VPS13B: variants seen among roughly 807,000 people sequenced by gnomAD.
VPS13B encodes the protein vacuolar protein sorting 13 homolog B.
A neutral mutation model predicts 426.4 loss-of-function variants in VPS13B; 285 were observed. That is an observed-to-expected ratio of 0.67 (90% CI 0.61 to 0.74). The LOEUF (loss-of-function observed/expected upper bound fraction) is 0.74, where lower values mean the gene tolerates loss of function less well. Ranked by LOEUF, VPS13B falls within the 30% of genes least tolerant of loss-of-function variation. The pLI, the probability that VPS13B is intolerant of heterozygous loss-of-function variation, is 0.00. For synonymous variants in VPS13B, 1,676 were observed against 1,676.4 expected (o/e 1.00, Z 0.01); for missense variants, 4,537 against 4,782.6 (o/e 0.95, Z 1.51).
chr8:99,305,152 C>A (rs1820569869), intron 19 of VPS13B, among the ~76,000 whole-genome samples: 1 of 152,074 alleles, frequency 6.6e-6, no homozygotes. Context: ...CTTCCCAAGA[C>A]AGGTTAGGTG....
At chr8:99,688,074 G>C (rs1469349173) in intron 35 of VPS13B, among the ~76,000 whole-genome samples, 1 of 151,180 alleles carries the variant, frequency 6.6e-6, no homozygotes, top group Non-Finnish European at 1.5e-5. Flanking sequence ...GGGGAAGTGG[G>C]CTCTGCAAAC....
intron 17 of VPS13B, among the ~76,000 whole-genome samples, chr8:99,200,971 TC>T (rs2132756526): frequency 6.6e-6 from 1 of 152,252 alleles, no homozygotes; most frequent in Admixed American, 6.5e-5. Context: ...TTCTTGGTCA[TC>T]ATCATTACTT....
intron 19 of VPS13B, among the ~76,000 whole-genome samples, chr8:99,289,478 T>C (rs1352536385): frequency 1.3e-5 from 2 of 152,138 alleles, no homozygotes; most frequent in African/African-American, 4.8e-5. Context: ...ATGGTTAGTG[T>C]TACTTTGGGC....
At chr8:99,212,163 G>A (rs1303972198) in intron 17 of VPS13B, among the ~76,000 whole-genome samples, 1 of 152,180 alleles carries the variant, frequency 6.6e-6, no homozygotes, top group Non-Finnish European at 1.5e-5. Context: ...ACAGTTCTGA[G>A]GTTACAGGCA....
intron 2 of VPS13B, among the ~76,000 whole-genome samples, chr8:99,014,342 T>A (rs1841493180): frequency 6.6e-6 from 1 of 151,834 alleles, no homozygotes; most frequent in Admixed American, 6.6e-5. Context: ...GGTCTCGAAC[T>A]CCTGAGCTTA....
At chr8:99,868,019 G>A in intron 58 of VPS13B, 2 of 416,064 alleles carry the variant, frequency 4.8e-6, no homozygotes, top group South Asian at 4.2e-5. Context: ...ACTCTGAATA[G>A]CCTGACAGGT....
chr8:99,645,118 G>A (rs1048209530), intron 34 of VPS13B, among the ~76,000 whole-genome samples: 6 of 152,154 alleles, frequency 3.9e-5, no homozygotes, highest in African/African-American at 1.4e-4. Flanking sequence ...GGTTCTCTCA[G>A]TCAGCCTCTA....
chr8:99,633,393 G>A (rs1828928922), intron 33 of VPS13B, among the ~76,000 whole-genome samples: 1 of 151,932 alleles, frequency 6.6e-6, no homozygotes, highest in Admixed American at 6.6e-5. Flanking sequence ...ACTTTCATCT[G>A]CTTCAGGGTC....
chr8:99,247,640 A>G (rs768665575), intron 17 of VPS13B, among the ~76,000 whole-genome samples: 1 of 152,230 alleles, frequency 6.6e-6, no homozygotes, highest in Non-Finnish European at 1.5e-5. Context: ...TTCCCCTGGA[A>G]TGATGTGTTT....
chr8:99,833,291 C>T (rs1815187897), intron 52 of VPS13B, among the ~76,000 whole-genome samples: 1 of 152,154 alleles, frequency 6.6e-6, no homozygotes. Context: ...ATGTGGTTGT[C>T]TTGCATGTAA....
chr8:99,094,238 T>G (rs1488048223), intron 3 of VPS13B, among the ~76,000 whole-genome samples: 1 of 152,202 alleles, frequency 6.6e-6, no homozygotes, highest in Non-Finnish European at 1.5e-5. Flanking sequence ...TGAACATGTT[T>G]TACTTCTGGG....
intron 2 of VPS13B, among the ~76,000 whole-genome samples, chr8:99,031,859 C>T (rs112004992): frequency 1.3e-3 from 205 of 152,292 alleles, no homozygotes; most frequent in African/African-American, 4.6e-3. Context: ...TATTGAGCCC[C>T]AAGGCAGAAT....
At chr8:99,215,513 G>A (rs903635089) in intron 17 of VPS13B, among the ~76,000 whole-genome samples, 2 of 152,178 alleles carry the variant, frequency 1.3e-5, no homozygotes, top group African/African-American at 2.4e-5. Flanking sequence ...TTATAGCAAT[G>A]TAGTAAGGAT....
chr8:99,209,653 C>A, intron 17 of VPS13B: 1 of 697,420 alleles, frequency 1.4e-6, no homozygotes, highest in South Asian at 4.1e-5. Flanking sequence ...ATGATCCTCC[C>A]ACCTCAACCT....
chr8:99,315,797 C>T (rs1027718373), intron 19 of VPS13B, among the ~76,000 whole-genome samples: 9 of 151,896 alleles, frequency 5.9e-5, no homozygotes, highest in South Asian at 4.1e-4. Context: ...CCACCGCGCC[C>T]GGTTAATTTT....
intron 39 of VPS13B, among the ~76,000 whole-genome samples, chr8:99,741,444 G>A (rs1241233434): frequency 6.6e-6 from 1 of 152,144 alleles, no homozygotes; most frequent in Non-Finnish European, 1.5e-5. Context: ...GGATATCCAG[G>A]AATTGAACTC....
chr8:99,484,710 G>A (rs552902899), intron 25 of VPS13B, among the ~76,000 whole-genome samples: 18 of 151,976 alleles, frequency 1.2e-4, no homozygotes, highest in Non-Finnish European at 2.4e-4. Flanking sequence ...TTTTTTGAGA[G>A]CAAGAATAGA....
chr8:99,349,061 C>T (rs1198903185), intron 19 of VPS13B, among the ~76,000 whole-genome samples: 3 of 151,768 alleles, frequency 2.0e-5, no homozygotes, highest in Admixed American at 6.6e-5. Flanking sequence ...CGGCCGGGCG[C>T]GGTGGCTCAC....
At chr8:99,480,233 T>G (rs146306728) in intron 24 of VPS13B, among the ~76,000 whole-genome samples, 8 of 152,316 alleles carry the variant, frequency 5.3e-5, no homozygotes, top group African/African-American at 1.7e-4. Flanking sequence ...AGCAACTTTC[T>G]TCTTTGAAAA....
Sources: allele counts gnomAD v4.1 joint callset (sites outside exome capture counted in the v4.1 genomes callset), GRCh38; gene constraint gnomAD v4.1.1; transcripts MANE v1.5; gene names NCBI Gene and HGNC (gene_info 2026-07-23, HGNC 2026-07-21).